The following NSA2 variants were observed in gnomAD, a reference collection of about 807,000 sequenced individuals.
NSA2 encodes ribosome biogenesis protein NSA2 homolog.
In NSA2, 18 loss-of-function variants were observed where a neutral mutation model predicts 34.8. The observed-to-expected ratio is 0.52, with a 90% CI of 0.36 to 0.77. The LOEUF (loss-of-function observed/expected upper bound fraction) is 0.77. NSA2 is among the 30% of genes least tolerant of loss of function. NSA2 has a pLI of 0.00. For missense variants in NSA2, 188 were observed against 314.7 expected (o/e 0.60, Z 3.05); for synonymous variants, 79 against 100.2 (o/e 0.79, Z 1.26).
At chr5:74,776,509 A>AAAAAG in intron 5 of NSA2, 95 bp from the exon 6 acceptor site, 2 of 700,066 alleles carry the variant, frequency 2.9e-6, no homozygotes, top group Non-Finnish European at 5.0e-6. Flanking sequence ...GTATTAAGAC[A>AAAAAG]AAAAGAAAAA....
chr5:74,767,400 G>A, intron 1 of NSA2, 37 bp downstream of exon 1: 2 of 1,611,336 alleles, frequency 1.2e-6, no homozygotes, highest in African/African-American at 1.3e-5. Flanking sequence ...GACACACAGC[G>A]TCTGAGTTAG....
rs1745150458 is a variant in NSA2 at position 74,776,922 on chromosome 5, T to C, written c.*251T>C. The stretch of plus-strand genomic sequence containing the variant: ...TATCCTACTTCATCAATATCTGCAT[T>C]TGTGAGTGGGTATTCAGCAATTTCC... On this transcript the variant is annotated 3_prime_UTR_variant, in exon 6 of 6. Transcript: ENST00000610426. 4 of 285,604 alleles carry C rather than the reference T, an allele frequency of 1.4e-5. No homozygotes were observed. The highest frequency in any genetic ancestry group is 2.6e-5 in the Non-Finnish European group (4 of 153,778). The allele number at this position is 285,604 out of a possible 1,614,324, so 17.7% of individuals were successfully genotyped here.
chr5:74,770,601 T>C (rs1744884935), intron 3 of NSA2, 30 bp from the exon 4 acceptor site: 3 of 1,489,968 alleles, frequency 2.0e-6, no homozygotes, highest in East Asian at 2.3e-5. Flanking sequence ...TTAATAACAA[T>C]ATAAACTTTT....
In NSA2 at chr5:74,776,912, A is replaced by G. The variant is rs983671157; in HGVS notation, c.*241A>G. The G allele has an allele frequency of 1.6e-5, 5 of 313,504 alleles. No homozygotes were observed. The highest frequency in any genetic ancestry group is 1.1e-4 in the East Asian group (2 of 17,832). The allele number at this position is 313,504 out of a possible 1,614,324, so 19.4% of individuals were successfully genotyped here. A position where few individuals can be genotyped will look rare whatever the true frequency, so the allele number is the denominator to read the frequency against. Reference sequence around the variant, plus strand: ...AATATACAAATATCCTACTTCATCAATATCTGCATTTGTGAGTGGGTATTC... The same window carrying G: ...AATATACAAATATCCTACTTCATCAGTATCTGCATTTGTGAGTGGGTATTC... On this transcript the variant is annotated 3_prime_UTR_variant, in exon 6 of 6. Coordinates refer to ENST00000610426, the MANE Select transcript of NSA2 (RefSeq NM_014886.6).
In NSA2 at chr5:74,773,853, T is replaced by C; in HGVS notation, c.523-15T>C. 6.2e-7 allele frequency: 1 copy of C among 1,603,810 alleles called. No homozygotes were observed. Among genetic ancestry groups the C allele is most frequent in the Non-Finnish European group, 8.5e-7 (1 of 1,174,612 alleles). Reference sequence around the variant, plus strand: ...TTTGGACGTAAACATTCTTATGTTGTGTTTGACTTACTAGGGCTTGCGTTT... The same window carrying C: ...TTTGGACGTAAACATTCTTATGTTGCGTTTGACTTACTAGGGCTTGCGTTT... On this transcript the variant is annotated splice_polypyrimidine_tract_variant and intron_variant, in intron 4 of 5. Coordinates refer to ENST00000610426, the MANE Select transcript of NSA2 (RefSeq NM_014886.6).
At chr5:74,770,223 C>T (rs1308138683) in intron 3 of NSA2, among the ~76,000 whole-genome samples, 8 of 150,928 alleles carry the variant, frequency 5.3e-5, no homozygotes, top group African/African-American at 1.7e-4. Flanking sequence ...CCCAGCTACT[C>T]GGGAGGCTAA....
intron 5 of NSA2, among the ~76,000 whole-genome samples, chr5:74,774,916 GTAAACTGA>G (rs1745062560): frequency 6.6e-6 from 1 of 152,018 alleles, no homozygotes; most frequent in Non-Finnish European, 1.5e-5. Context: ...TCCCACGTAG[GTAAACTGA>G]TCATTGAAAC....
Position 74,779,576 on chromosome 5 carries a change from A to G in NSA2, c.*2905A>G, listed in dbSNP as rs1287760147. On this transcript the variant is annotated 3_prime_UTR_variant, in exon 6 of 6. Coordinates refer to ENST00000610426, the MANE Select transcript of NSA2 (RefSeq NM_014886.6). ...TTGACAGAAGTTTCTCATAAAATGT[A>G]TAAAACAGCATAAATGTTTGGTAGA... 6.6e-6 allele frequency: 1 copy of G among 152,140 alleles called. No individual in the cohort carries two copies. The highest frequency in any genetic ancestry group is 1.5e-5 in the Non-Finnish European group (1 of 68,004). 9.4% of individuals were successfully genotyped at this position (152,140 alleles called of 1,614,324 possible).
Position 74,779,577 on chromosome 5 carries a change from TAA to T in NSA2, c.*2909_*2910del, listed in dbSNP as rs973697787. The stretch of plus-strand genomic sequence containing the variant: ...TGACAGAAGTTTCTCATAAAATGTA[TAA>T]AACAGCATAAATGTTTGGTAGATTC... On this transcript the variant is annotated 3_prime_UTR_variant, in exon 6 of 6. Coordinates refer to ENST00000610426, the MANE Select transcript of NSA2 (RefSeq NM_014886.6). The T allele has an allele frequency of 2.0e-5, 3 of 151,878 alleles. No individual in the cohort carries two copies. The highest frequency in any genetic ancestry group is 7.2e-5 in the African/African-American group (3 of 41,386). The allele number at this position is 151,878 out of a possible 1,614,324, so 9.4% of individuals were successfully genotyped here. A position where few individuals can be genotyped will look rare whatever the true frequency, so the allele number is the denominator to read the frequency against.
rs760599964 is a variant in NSA2, at chr5:74,769,087, C to T, written c.160C>T (p.Arg54Cys). ...GLKAKLYHKQ[R>C]HAEKIQMKKT... ...GAAGGCTAAGCTTTACCATAAACAGCGTCATGCTGAGAAAATACAAATGAA... is the reference window on the plus strand; with the variant it reads ...GAAGGCTAAGCTTTACCATAAACAGTGTCATGCTGAGAAAATACAAATGAA... Residue 54 changes from arginine (R) to cysteine (C), a missense_variant, in exon 2 of 6, where the codon CGT (arginine) becomes TGT (cysteine). Arg to Cys is a radical substitution (Grantham distance 180, BLOSUM62 -3). Coordinates refer to ENST00000610426, the MANE Select transcript of NSA2 (RefSeq NM_014886.6). The T allele has an allele frequency of 3.1e-6, 5 of 1,606,126 alleles. No homozygotes were observed. Among genetic ancestry groups the T allele is most frequent in the African/African-American group, 2.7e-5 (2 of 74,144 alleles).
intron 1 of NSA2, among the ~76,000 whole-genome samples, chr5:74,768,138 A>AAAC (rs1277208940): frequency 6.6e-6 from 1 of 152,256 alleles, no homozygotes; most frequent in East Asian, 1.9e-4. Context: ...GTCTGGCAGT[A>AAAC]AACACACGTC....
chr5:74,768,359 A>G (rs998595547), intron 1 of NSA2, among the ~76,000 whole-genome samples: 3 of 152,234 alleles, frequency 2.0e-5, no homozygotes, highest in Admixed American at 6.5e-5. Flanking sequence ...TCAAAAGGCT[A>G]TGTACTACTG....
chr5:74,778,152 T>C lies in NSA2; in HGVS notation c.*1481T>C, dbSNP rs1179276510. The C allele has an allele frequency of 2.0e-5, 3 of 152,034 alleles. No individual in the cohort carries two copies. The highest frequency in any genetic ancestry group is 7.2e-5 in the African/African-American group (3 of 41,442). 9.4% of individuals were successfully genotyped at this position (152,034 alleles called of 1,614,324 possible). A position where few individuals can be genotyped will look rare whatever the true frequency, so the allele number is the denominator to read the frequency against. ...GAACCAAAAATACTATCTTGTAAGG[T>C]ACAAAGAAAGCTTGATATTAAGTAT... On this transcript the variant is annotated 3_prime_UTR_variant, in exon 6 of 6. Coordinates refer to ENST00000610426, the MANE Select transcript of NSA2 (RefSeq NM_014886.6).
chr5:74,770,318 G>A (rs920768787), intron 3 of NSA2, among the ~76,000 whole-genome samples: 23 of 146,448 alleles, frequency 1.6e-4, no homozygotes, highest in African/African-American at 5.6e-4. Flanking sequence ...GAGCAACAGA[G>A]CGAGACTCCA....
chr5:74,773,982 G>A lies in NSA2; in HGVS notation c.637G>A (p.Val213Ile), dbSNP rs758346124. ...ATCCCCACTGTATACAACTTTGGGT[G>A]TTATTACCAAAGGTACTGTCATTGA... The part of the protein sequence containing the change: ...PSSPLYTTLG[V>I]ITKGTVIEVN... The change falls in exon 5 of 6, where the codon GTT (valine) becomes ATT (isoleucine). Residue 213 changes from valine to isoleucine, a missense_variant. Transcript: ENST00000610426. 5 of 1,613,784 alleles carry A rather than the reference G, an allele frequency of 3.1e-6. No homozygotes were observed. Among genetic ancestry groups the A allele is most frequent in the East Asian group, 2.2e-5 (1 of 44,892 alleles).
rs916146828 is a variant in NSA2 at position 74,779,465 on chromosome 5, T to C, written c.*2794T>C. On this transcript the variant is annotated 3_prime_UTR_variant, in exon 6 of 6. Transcript: ENST00000610426. ...AACAAATCCAAGTAAAAATAAAATA[T>C]CTACAAGTGTTTTCAAATCTAAGAA... is the stretch of plus-strand genomic sequence containing the variant. 2.6e-5 allele frequency: 4 copies of C among 152,216 alleles called. No homozygotes were observed. Among genetic ancestry groups the C allele is most frequent in the Middle Eastern group, 3.4e-3 (1 of 294 alleles). The allele number at this position is 152,216 out of a possible 1,614,324, so 9.4% of individuals were successfully genotyped here.
Position 74,780,061 on chromosome 5 carries a change from T to G in NSA2, c.*3390T>G, listed in dbSNP as rs1230199863. Reference sequence around the variant, plus strand: ...GAGTAGAACTGTTTTTAGATTATCTTTGGATTCTAATAACCATTTTGTCCA... The same window carrying G: ...GAGTAGAACTGTTTTTAGATTATCTGTGGATTCTAATAACCATTTTGTCCA... On this transcript the variant is annotated 3_prime_UTR_variant, in exon 6 of 6. Coordinates refer to ENST00000610426, the MANE Select transcript of NSA2 (RefSeq NM_014886.6). 1 of 152,238 alleles carries G rather than the reference T, an allele frequency of 6.6e-6. No homozygotes were observed. Among genetic ancestry groups the G allele is most frequent in the East Asian group, 1.9e-4 (1 of 5,202 alleles). The allele number at this position is 152,238 out of a possible 1,614,324, so 9.4% of individuals were successfully genotyped here. A position where few individuals can be genotyped will look rare whatever the true frequency, so the allele number is the denominator to read the frequency against.
rs779793565 is a variant in NSA2, at chr5:74,770,731, G to C, written c.443G>C (p.Arg148Thr). Reference protein sequence around the residue: ...TGKRKKKAWKRMVTKVCFVGD... With the variant: ...TGKRKKKAWKTMVTKVCFVGD... Reference sequence around the variant, plus strand: ...AAGAGAAAGAAGAAGGCATGGAAGAGAATGGTTACTAAAGTGTGCTTTGTT... The same window carrying C: ...AAGAGAAAGAAGAAGGCATGGAAGACAATGGTTACTAAAGTGTGCTTTGTT... The change falls in exon 4 of 6, where the codon AGA (arginine) becomes ACA (threonine). Residue 148 changes from arginine to threonine, a missense_variant. By Grantham distance (71) the Arg-to-Thr change is moderately conservative. Transcript: ENST00000610426. 6.2e-7 allele frequency: 1 copy of C among 1,613,592 alleles called. No homozygotes were observed.
rs762000453 is a variant in NSA2, at chr5:74,770,838, G to C, written c.522+28G>C. ...AAGTCCTTGGAAGAGTGTAATGACCGAAATGTTAGTTGACTTTATTAAATC... is the reference window on the plus strand; with the variant it reads ...AAGTCCTTGGAAGAGTGTAATGACCCAAATGTTAGTTGACTTTATTAAATC... On this transcript the variant is annotated intron_variant, in intron 4 of 5. Transcript: ENST00000610426. 7 of 1,453,500 alleles carry C rather than the reference G, an allele frequency of 4.8e-6. No individual in the cohort carries two copies. In the Admixed American group the frequency reaches 1.7e-4, roughly 35 times the overall value. The allele number at this position is 1,453,500 out of a possible 1,614,324, so 90.0% of individuals were successfully genotyped here.
Sources: allele counts gnomAD v4.1 joint callset (sites outside exome capture counted in the v4.1 genomes callset), GRCh38; gene constraint gnomAD v4.1.1; transcripts MANE v1.5; gene names NCBI Gene and HGNC (gene_info 2026-07-23, HGNC 2026-07-21).